The following SCTR variants were observed in gnomAD, a reference collection of about 807,000 sequenced individuals.
The protein encoded by SCTR is secretin receptor, also known as pancreatic secretin receptor.
Under a neutral mutation model 60.8 loss-of-function variants are expected in SCTR, and 56 were observed. The ratio of observed to expected loss-of-function variants is 0.92; its 90% CI spans 0.74 to 1.15. The LOEUF (loss-of-function observed/expected upper bound fraction) is 1.15, where lower values mean the gene tolerates loss of function less well. SCTR is among the 50% of genes most tolerant of loss of function. The probability of loss-of-function intolerance (pLI) is 0.00; values close to 1 mark genes in which losing one functional copy is unlikely to be tolerated. For missense variants in SCTR, 562 were observed against 550.4 expected, an observed-to-expected ratio of 1.02 and a Z score of -0.21; for synonymous variants, 202 against 217.0, an observed-to-expected ratio of 0.93 and a Z score of 0.61.
intron 11 of SCTR, 98 bp from the exon 12 acceptor site, chr2:119,441,697 A>G: frequency 9.9e-7 from 1 of 1,012,330 alleles, no homozygotes; most frequent in Non-Finnish European, 1.5e-6. Context: ...CTTAATCACC[A>G]GCTACAGGCT....
chr2:119,475,795 T>G (rs1430693631), intron 3 of SCTR, among the ~76,000 whole-genome samples: 2 of 151,380 alleles, frequency 1.3e-5, no homozygotes, highest in Non-Finnish European at 2.9e-5. Context: ...TTCATCTGAT[T>G]TTCAGAAGGC....
At chr2:119,470,052 C>A (rs912817928) in intron 4 of SCTR, among the ~76,000 whole-genome samples, 5 of 152,186 alleles carry the variant, frequency 3.3e-5, no homozygotes, top group African/African-American at 9.7e-5. Flanking sequence ...GTAAACGTAG[C>A]CTTACTGTGG....
At chr2:119,462,265 AGCACTGGCTGCCAGGCTAGATGAG>A (rs1683643486) in intron 6 of SCTR, among the ~76,000 whole-genome samples, 1 of 152,242 alleles carries the variant, frequency 6.6e-6, no homozygotes, top group East Asian at 1.9e-4. Context: ...TTCAAATCCT[AGCACTGGCTGCCAGGCTAGATGAG>A]GAGGCAGTCC....
intron 1 of SCTR, among the ~76,000 whole-genome samples, chr2:119,518,039 A>G (rs190437064): frequency 2.6e-5 from 4 of 152,266 alleles, no homozygotes; most frequent in Admixed American, 2.0e-4. Flanking sequence ...CTGCATCCAC[A>G]CACTCACTGG....
chr2:119,494,450 C>G lies in SCTR; in HGVS notation c.171G>C (p.Leu57=). 6.2e-7 allele frequency: 1 copy of G among 1,613,976 alleles called. No individual in the cohort carries two copies. The highest frequency in any genetic ancestry group is 8.5e-7 in the Non-Finnish European group (1 of 1,179,930). The change falls in exon 2 of 13, where the codon CTG becomes CTC. Residue 57 remains leucine (L), a synonymous_variant. Transcript: ENST00000019103. ...QELSREQTGD[L]GTEQPVPGCE... ...TACCTGGCACTGGCTGCTCCGTGCC[C>G]AGGTCTCCTGTCTGCTCTCTGGAGA...
At chr2:119,522,016 C>T (rs186583288) in intron 1 of SCTR, among the ~76,000 whole-genome samples, 7 of 152,192 alleles carry the variant, frequency 4.6e-5, no homozygotes, top group African/African-American at 1.4e-4. Context: ...AAGGGACCGC[C>T]GGGCGCGGTG....
chr2:119,479,190 C>T (rs1558862074), intron 2 of SCTR: 9 of 981,100 alleles, frequency 9.2e-6, no homozygotes, highest in Non-Finnish European at 1.1e-5. Flanking sequence ...AAGGCGCCCT[C>T]TCCTATAAGC....
intron 2 of SCTR, among the ~76,000 whole-genome samples, chr2:119,490,985 A>G (rs1447767922): frequency 5.3e-5 from 8 of 152,148 alleles, no homozygotes; most frequent in African/African-American, 1.4e-4. Flanking sequence ...AAGTGCCCAC[A>G]GTGATGATGC....
chr2:119,440,353 C>T (rs1232061576), intron 12 of SCTR, 96 bp from the exon 13 acceptor site: 2 of 1,410,038 alleles, frequency 1.4e-6, no homozygotes, highest in Non-Finnish European at 1.9e-6. Context: ...GGCCCTGCCA[C>T]TCCTGCCCAG....
intron 7 of SCTR, among the ~76,000 whole-genome samples, chr2:119,458,111 T>C (rs953579656): frequency 1.4e-5 from 2 of 146,242 alleles, no homozygotes; most frequent in Non-Finnish European, 3.0e-5. Flanking sequence ...CTGGGCAACA[T>C]AGTGAGACAC....
chr2:119,473,472 T>C lies in SCTR; in HGVS notation c.386A>G (p.Asp129Gly), dbSNP rs1224696272. Residue 129 changes from aspartate (D) to glycine (G), a missense_variant, in exon 4 of 13, where the codon GAC (aspartate) becomes GGC (glycine). Physicochemically the swap from Asp to Gly is moderately conservative, Grantham distance 94. Transcript: ENST00000019103. Reference sequence around the variant, plus strand: ...GCTTACCCGCTTCTCGTTGGAAGAGTCGTTCACATTAACGCCACAGGCCAG... The same window carrying C: ...GCTTACCCGCTTCTCGTTGGAAGAGCCGTTCACATTAACGCCACAGGCCAG... ...PNLACGVNVNDSSNEKRHSYL... is the reference protein window; with the variant it reads ...PNLACGVNVNGSSNEKRHSYL... The C allele has an allele frequency of 1.2e-6, 2 of 1,612,380 alleles. No homozygotes were observed. Among genetic ancestry groups the C allele is most frequent in the South Asian group, 2.2e-5 (2 of 90,998 alleles).
chr2:119,488,555 C>A (rs1677983767), intron 2 of SCTR, among the ~76,000 whole-genome samples: 1 of 152,210 alleles, frequency 6.6e-6, no homozygotes, highest in African/African-American at 2.4e-5. Context: ...ATCGGTCAAC[C>A]TGGAATTGAG....
chr2:119,479,286 G>T (rs547371521), intron 2 of SCTR: 185 of 1,008,346 alleles, frequency 1.8e-4, no homozygotes, highest in Admixed American at 2.9e-4. Context: ...AGCAGCAATG[G>T]GTCTCCCTTC....
chr2:119,440,268 G>C lies in SCTR; in HGVS notation c.1183-11C>G, dbSNP rs111488184. ...AACCTCCAGCTGCACCTGCCCGGGA[G>C]ACCAGCCATCAGCCCAGGAGGAGAG... is the stretch of plus-strand genomic sequence containing the variant. On this transcript the variant is annotated splice_polypyrimidine_tract_variant and intron_variant, in intron 12 of 12. Coordinates refer to ENST00000019103, the MANE Select transcript of SCTR (RefSeq NM_002980.3). 1 of 1,610,294 alleles carries C rather than the reference G, an allele frequency of 6.2e-7. No individual in the cohort carries two copies. Among genetic ancestry groups the C allele is most frequent in the Non-Finnish European group, 8.5e-7 (1 of 1,177,994 alleles).
intron 7 of SCTR, among the ~76,000 whole-genome samples, chr2:119,456,694 G>A (rs1411653085): frequency 6.6e-6 from 1 of 152,120 alleles, no homozygotes; most frequent in Non-Finnish European, 1.5e-5. Context: ...TGTCAACCCA[G>A]CACCTCAGAC....
chr2:119,478,968 G>C, intron 2 of SCTR, 50 bp from the exon 3 acceptor site: 4 of 1,610,800 alleles, frequency 2.5e-6, no homozygotes, highest in Non-Finnish European at 1.7e-6. Context: ...ACCGAGGGCT[G>C]CCCTACCATC....
At chr2:119,460,171 T>A (rs967691974) in intron 7 of SCTR, among the ~76,000 whole-genome samples, 1 of 151,504 alleles carries the variant, frequency 6.6e-6, no homozygotes, top group Non-Finnish European at 1.5e-5. Flanking sequence ...ACAGGGCCCT[T>A]GTAAATAAGG....
chr2:119,464,123 C>T lies in SCTR; in HGVS notation c.636G>A (p.Arg212=), dbSNP rs376642791. The T allele has an allele frequency of 1.2e-6, 2 of 1,614,126 alleles. No homozygotes were observed. The highest frequency in any genetic ancestry group is 2.2e-5 in the East Asian group (1 of 44,888). ...ATCCTGGGGCACCCAGACATATTAC[C>T]CTGTGGGCATCGCAGTAGGTGACAT... The part of the protein sequence containing the change: ...SDDVTYCDAH[R]AGCKLVMVLF... The change falls in exon 6 of 13, where the codon AGG becomes AGA. Residue 212 remains arginine, a splice_region_variant and synonymous_variant. Transcript: ENST00000019103.
At chr2:119,476,521 A>G (rs1677318845) in intron 3 of SCTR, 1 of 152,242 alleles carries the variant, frequency 6.6e-6, no homozygotes, top group Non-Finnish European at 1.5e-5. Flanking sequence ...ACCATGAGCA[A>G]TCCAAGGGTA....
Sources: gnomAD v4.1 joint callset for allele counts (sites outside exome capture counted in the v4.1 genomes callset) on GRCh38, gnomAD v4.1.1 for gene constraint, MANE v1.5 for transcripts, NCBI Gene and HGNC (gene_info 2026-07-23, HGNC 2026-07-21) for gene names.